The following ACTR3C variants were observed in gnomAD, a reference collection of about 807,000 sequenced individuals.
The protein encoded by ACTR3C is actin-related protein 3C.
A neutral mutation model predicts 26.3 loss-of-function variants in ACTR3C; 18 were observed. The ratio of observed to expected loss-of-function variants is 0.68; its 90% CI spans 0.47 to 1.01. The LOEUF is 1.01. Ranked by LOEUF, ACTR3C falls within the 50% of genes least tolerant of loss-of-function variation. The probability of loss-of-function intolerance (pLI) is 0.00; values close to 1 mark genes in which losing one functional copy is unlikely to be tolerated. For missense variants in ACTR3C, 184 were observed against 250.7 expected (o/e 0.73, Z 1.80); for synonymous variants, 55 against 94.5 (o/e 0.58, Z 2.42).
chr7:150,185,871 T>C, the ACTR3C span, among the ~76,000 whole-genome samples: 2 of 152,178 alleles, frequency 1.3e-5, no homozygotes, highest in African/African-American at 4.8e-5. Context: ...AGCAAGTTAG[T>C]GCAGCTCTCA....
chr7:150,152,788 A>G, the ACTR3C span, among the ~76,000 whole-genome samples: 3 of 152,062 alleles, frequency 2.0e-5, no homozygotes, highest in African/African-American at 7.2e-5. Flanking sequence ...TTTGGTTGGT[A>G]AGCTATTGAT....
the ACTR3C span, among the ~76,000 whole-genome samples, chr7:150,198,105 C>T: frequency 4.0e-5 from 6 of 151,580 alleles, no homozygotes; most frequent in East Asian, 3.9e-4. Context: ...CTTGGCCTCC[C>T]GAGGTGCCGG....
chr7:149,946,485 T>G, the ACTR3C span, among the ~76,000 whole-genome samples: 1 of 152,186 alleles, frequency 6.6e-6, no homozygotes, highest in African/African-American at 2.4e-5. Flanking sequence ...GGAGCCCTGG[T>G]ATTTGGTCCC....
chr7:150,136,920 G>A, the ACTR3C span, among the ~76,000 whole-genome samples: 1 of 152,170 alleles, frequency 6.6e-6, no homozygotes, highest in African/African-American at 2.4e-5. Flanking sequence ...GACACGGAGT[G>A]GGGATGGCTT....
At chr7:150,096,587 A>G in the ACTR3C span, among the ~76,000 whole-genome samples, 2 of 151,786 alleles carry the variant, frequency 1.3e-5, no homozygotes, top group South Asian at 4.1e-4. Flanking sequence ...CTACCATCCT[A>G]AAGGCTTGCT....
chr7:150,087,785 A>G, the ACTR3C span, among the ~76,000 whole-genome samples: 1 of 152,366 alleles, frequency 6.6e-6, no homozygotes, highest in East Asian at 1.9e-4. Context: ...AAACTCTCAA[A>G]GGAATTTTAA....
intron 6 of ACTR3C, among the ~76,000 whole-genome samples, chr7:150,280,047 A>C (rs1403746929): frequency 6.6e-6 from 1 of 152,158 alleles, no homozygotes; most frequent in African/African-American, 2.4e-5. Context: ...TTCCCCCTCA[A>C]GTAAAGCGTG....
the ACTR3C span, among the ~76,000 whole-genome samples, chr7:150,235,277 A>AGATT: frequency 1.3e-5 from 2 of 152,228 alleles, no homozygotes; most frequent in African/African-American, 4.8e-5. Context: ...ACAACACAAT[A>AGATT]GATTACACAA....
the ACTR3C span, among the ~76,000 whole-genome samples, chr7:150,035,527 G>T: frequency 7.6e-6 from 1 of 131,526 alleles, no homozygotes; most frequent in Non-Finnish European, 1.7e-5. Flanking sequence ...ACTCTCGTGG[G>T]GGGTGCCTCC....
chr7:150,289,447 T>C lies in ACTR3C; in HGVS notation c.297+3A>G, dbSNP rs748017063. 7 of 1,576,036 alleles carry C rather than the reference T, an allele frequency of 4.4e-6. No homozygotes were observed. The South Asian group carries it at 4.9e-5, about 11-fold the overall frequency. The stretch of plus-strand genomic sequence containing the variant: ...AACCAGCCGGTTTCCCATCTGTTTT[T>C]ACCTTAATGGCTTTTGCGGTCTCCA... On this transcript the variant is annotated splice_donor_region_variant and intron_variant, in intron 4 of 7. Transcript: ENST00000683684.
chr7:150,012,113 C>T, the ACTR3C span, among the ~76,000 whole-genome samples: 1 of 152,036 alleles, frequency 6.6e-6, no homozygotes, highest in Non-Finnish European at 1.5e-5. Flanking sequence ...AAGAACATTC[C>T]AGATGGAGAA....
the ACTR3C span, among the ~76,000 whole-genome samples, chr7:149,884,463 TTGA>T: frequency 6.6e-6 from 1 of 152,196 alleles, no homozygotes; most frequent in East Asian, 1.9e-4. Flanking sequence ...ATGCTGGAAA[TTGA>T]TGAGAGTAGA....
the ACTR3C span, among the ~76,000 whole-genome samples, chr7:150,080,372 C>T: frequency 6.6e-6 from 1 of 151,188 alleles, no homozygotes; most frequent in Non-Finnish European, 1.5e-5. Flanking sequence ...GGGACTTCTT[C>T]ACAGCAATTC....
chr7:150,131,592 T>C, the ACTR3C span, among the ~76,000 whole-genome samples: 1 of 152,210 alleles, frequency 6.6e-6, no homozygotes, highest in African/African-American at 2.4e-5. Context: ...TTGGGAGCTA[T>C]ACTCACTACC....
the ACTR3C span, among the ~76,000 whole-genome samples, chr7:149,970,628 C>G: frequency 5.5e-4 from 83 of 152,244 alleles, no homozygotes; most frequent in Non-Finnish European, 1.1e-3. Context: ...GGTCGATTTC[C>G]CCTTATGTCA....
At chr7:150,241,160 T>C (rs1832155456), downstream of ACTR3C, among the ~76,000 whole-genome samples, 2 of 152,214 alleles carry the variant, frequency 1.3e-5, no homozygotes, top group East Asian at 3.9e-4. Context: ...GAACATAAAA[T>C]TTATCTGGAA....
the ACTR3C span, among the ~76,000 whole-genome samples, chr7:150,047,377 C>A: frequency 2.0e-5 from 3 of 152,220 alleles, no homozygotes; most frequent in Non-Finnish European, 4.4e-5. Flanking sequence ...AAACCCCGCT[C>A]TCTCCAGCCA....
chr7:150,319,398 G>A (rs1563215898), intron 1 of ACTR3C, among the ~76,000 whole-genome samples: 1 of 152,046 alleles, frequency 6.6e-6, no homozygotes, highest in Non-Finnish European at 1.5e-5. Context: ...GTAGAAACGG[G>A]GTTTCTCCAT....
chr7:150,093,538 C>G, the ACTR3C span, among the ~76,000 whole-genome samples: 17 of 150,916 alleles, frequency 1.1e-4, no homozygotes, highest in Non-Finnish European at 2.2e-4. Flanking sequence ...TATCCCAACA[C>G]TGGGGCACCA....
Sources: allele counts gnomAD v4.1 joint callset (sites outside exome capture counted in the v4.1 genomes callset), GRCh38; gene constraint gnomAD v4.1.1; transcripts MANE v1.5; gene names NCBI Gene and HGNC (gene_info 2026-07-23, HGNC 2026-07-21).